The following BAG3 variants were observed in gnomAD, a reference collection of about 807,000 sequenced individuals.
The protein encoded by BAG3 is BAG family molecular chaperone regulator 3.
BAG3 carries 14 observed loss-of-function variants against 40.5 expected under a neutral mutation model. The observed-to-expected ratio is 0.35, with a 90% CI of 0.23 to 0.54. The LOEUF is 0.54. BAG3 is among the 20% of genes least tolerant of loss of function. The pLI, the probability that BAG3 is intolerant of heterozygous loss-of-function variation, is 0.91. For missense variants in BAG3, 788 were observed against 758.6 expected (o/e 1.04, Z -0.46); for synonymous variants, 302 against 307.8 (o/e 0.98, Z 0.20).
chr10:119,667,407 A>C (rs1319273690), intron 1 of BAG3, among the ~76,000 whole-genome samples: 1 of 152,084 alleles, frequency 6.6e-6, no homozygotes, highest in Non-Finnish European at 1.5e-5. Flanking sequence ...ATAAAACCTC[A>C]CAACATTTCT....
chr10:119,660,730 T>TA (rs1846981337), intron 1 of BAG3, among the ~76,000 whole-genome samples: 1 of 152,034 alleles, frequency 6.6e-6, no homozygotes, highest in Non-Finnish European at 1.5e-5. Flanking sequence ...TTAGGCTTTG[T>TA]AAACGGTAAG....
intron 1 of BAG3, among the ~76,000 whole-genome samples, chr10:119,665,092 T>TGTGTGTGTGTGTGTGTGTGTG (rs34372634): frequency 4.5e-5 from 4 of 88,004 alleles, no homozygotes; most frequent in South Asian, 3.7e-4. Context: ...TAATTTTTGT[T>TGTGTGTGTGTGTGTGTGTGTG]TGTGTGTGTG....
Position 119,677,430 on chromosome 10 carries a change from G to A in BAG3, c.*148G>A, listed in dbSNP as rs1462414593. On this transcript the variant is annotated 3_prime_UTR_variant, in exon 4 of 4. Transcript: ENST00000369085. The stretch of plus-strand genomic sequence containing the variant: ...GTGGAGGCAAAACACTAATAAAAGG[G>A]CTAAAAAGGAAAATGATGCTTTTCT... The A allele has an allele frequency of 2.2e-6, 2 of 901,550 alleles. No homozygotes were observed. Among genetic ancestry groups the A allele is most frequent in the Admixed American group, 4.1e-5 (2 of 48,252 alleles). 55.8% of individuals were successfully genotyped at this position (901,550 alleles called of 1,614,324 possible).
rs196326 is a variant in BAG3, at chr10:119,670,250, C to G, written c.507+73C>G. ...GCTTCCCAGGCCGGGCCCATCCCCT[C>G]AGGACAGTGCCCTGGGCCAGGCACC... is the stretch of plus-strand genomic sequence containing the variant. On this transcript the variant is annotated intron_variant, in intron 2 of 3. Coordinates refer to ENST00000369085, the MANE Select transcript of BAG3 (RefSeq NM_004281.4). The G allele has an allele frequency of 0.77, 1,159,058 of 1,499,436 alleles. 449,521 individuals carry two copies. The highest frequency in any genetic ancestry group is 0.8 in the Middle Eastern group (3,370 of 4,212). The allele number at this position is 1,499,436 out of a possible 1,614,324, so 92.9% of individuals were successfully genotyped here.
At chr10:119,657,967 C>G (rs1180824982) in intron 1 of BAG3, among the ~76,000 whole-genome samples, 1 of 152,246 alleles carries the variant, frequency 6.6e-6, no homozygotes, top group East Asian at 1.9e-4. Flanking sequence ...AGAGTGCCAG[C>G]TCTGTGCGTC....
chr10:119,659,086 C>T (rs1040717672), intron 1 of BAG3, among the ~76,000 whole-genome samples: 2 of 152,122 alleles, frequency 1.3e-5, no homozygotes, highest in Non-Finnish European at 2.9e-5. Flanking sequence ...TCCAGGTGGC[C>T]CTTGGAGCCC....
chr10:119,670,003 C>T lies in BAG3; in HGVS notation c.333C>T (p.Phe111=), dbSNP rs1388706772. Residue 111 remains phenylalanine, a synonymous_variant, in exon 2 of 4, where the codon TTC becomes TTT. Transcript: ENST00000369085. ...CTGAGAACCGGCAGGTGCACCCTTT[C>T]CATGTCTATCCCCAGCCTGGGATGC... is the stretch of plus-strand genomic sequence containing the variant. ...EGAENRQVHP[F]HVYPQPGMQR... 6.2e-7 allele frequency: 1 copy of T among 1,614,232 alleles called. No homozygotes were observed. The highest frequency in any genetic ancestry group is 1.1e-5 in the South Asian group (1 of 91,090).
chr10:119,652,742 CTAA>C (rs1312520460), intron 1 of BAG3, among the ~76,000 whole-genome samples: 3 of 152,168 alleles, frequency 2.0e-5, no homozygotes, highest in African/African-American at 7.2e-5. Flanking sequence ...AAATAACTGA[CTAA>C]TGATACTCTT....
chr10:119,656,658 G>T (rs1486194273), intron 1 of BAG3: 2 of 152,200 alleles, frequency 1.3e-5, no homozygotes, highest in East Asian at 3.9e-4. Flanking sequence ...TTACTAAGTC[G>T]TCACGTATTT....
intron 1 of BAG3, among the ~76,000 whole-genome samples, chr10:119,665,387 ACCT>A (rs1847050541): frequency 6.6e-6 from 1 of 150,846 alleles, no homozygotes. Context: ...TGATCCACCC[ACCT>A]CAGCCTGCCA....
intron 1 of BAG3, among the ~76,000 whole-genome samples, chr10:119,654,397 A>G (rs1846883636): frequency 6.6e-6 from 1 of 152,168 alleles, no homozygotes; most frequent in Admixed American, 6.5e-5. Context: ...CAGCTTCAGG[A>G]TGTTTAAAAT....
Position 119,676,492 on chromosome 10 carries a change from C to T in BAG3, c.938C>T (p.Pro313Leu). Residue 313 changes from proline (P) to leucine (L), a missense_variant, in exon 4 of 4, where the codon CCT becomes CTT. By Grantham distance (98) the Pro-to-Leu change is moderately conservative. Coordinates refer to ENST00000369085, the MANE Select transcript of BAG3 (RefSeq NM_004281.4). ...CCCATGACCCATCGAGAAACTGCAC[C>T]TGTTTCCCAGCCTGAAAACAAACCA... ...QQPMTHRETA[P>L]VSQPENKPES... 6.2e-7 allele frequency: 1 copy of T among 1,614,172 alleles called. No individual in the cohort carries two copies. The highest frequency in any genetic ancestry group is 1.6e-4 in the Middle Eastern group (1 of 6,062).
chr10:119,677,124 A>G lies in BAG3; in HGVS notation c.1570A>G (p.Ile524Val), dbSNP rs764925485. The G allele has an allele frequency of 3.1e-6, 5 of 1,614,070 alleles. No individual in the cohort carries two copies. The African/African-American group carries it at 4.0e-5, about 13-fold the overall frequency. The part of the protein sequence containing the change: ...NLEADQPLQA[I>V]MEMGAVAADK... Reference sequence around the variant, plus strand: ...TGAAGCAGATCAGCCACTGCAGGCAATCATGGAGATGGGTGCCGTGGCAGC... The same window carrying G: ...TGAAGCAGATCAGCCACTGCAGGCAGTCATGGAGATGGGTGCCGTGGCAGC... The change falls in exon 4 of 4, where the codon ATC (isoleucine) becomes GTC (valine). Residue 524 changes from isoleucine to valine, a missense_variant. Physicochemically the swap from Ile to Val is conservative, Grantham distance 29. Transcript: ENST00000369085.
chr10:119,666,390 C>A (rs1017470973), intron 1 of BAG3, among the ~76,000 whole-genome samples: 6 of 152,214 alleles, frequency 3.9e-5, no homozygotes, highest in Non-Finnish European at 7.3e-5. Context: ...GACCACATTC[C>A]TTCCCCGTGG....
intron 1 of BAG3, among the ~76,000 whole-genome samples, chr10:119,664,822 C>G (rs977579331): frequency 2.6e-5 from 4 of 151,992 alleles, no homozygotes; most frequent in Non-Finnish European, 5.9e-5. Flanking sequence ...TCTTTTGATT[C>G]TTTTATTTAC....
Position 119,677,559 on chromosome 10 carries a change from A to C in BAG3, c.*277A>C. ...CCCTGTCTACTTGGGCACCCCCACC[A>C]CCTGTTAGCTGTGGTTGTGCACTGT... On this transcript the variant is annotated 3_prime_UTR_variant, in exon 4 of 4. Coordinates refer to ENST00000369085, the MANE Select transcript of BAG3 (RefSeq NM_004281.4). The C allele has an allele frequency of 3.9e-6, 2 of 519,254 alleles. No homozygotes were observed. The highest frequency in any genetic ancestry group is 6.9e-6 in the Non-Finnish European group (2 of 288,552). The allele number at this position is 519,254 out of a possible 1,614,324, so 32.2% of individuals were successfully genotyped here.
rs1339760682 is a variant in BAG3 at position 119,676,514 on chromosome 10, A to G, written c.960A>G (p.Lys320=). ...CACCTGTTTCCCAGCCTGAAAACAA[A>G]CCAGAAAGTAAGCCAGGCCCAGTTG... ...ETAPVSQPEN[K]PESKPGPVGP... Residue 320 remains lysine, a synonymous_variant, in exon 4 of 4, where the codon AAA becomes AAG. Transcript: ENST00000369085. The G allele has an allele frequency of 6.2e-7, 1 of 1,613,918 alleles. No homozygotes were observed. Among genetic ancestry groups the G allele is most frequent in the South Asian group, 1.1e-5 (1 of 91,040 alleles).
In BAG3 at chr10:119,669,982, G is replaced by A; in HGVS notation, c.312G>A (p.Glu104=). The change falls in exon 2 of 4, where the codon GAG becomes GAA. Residue 104 remains glutamate (E), a synonymous_variant. Transcript: ENST00000369085. ...TTCCTGTGCTCCATGAAGGCGCTGA[G>A]AACCGGCAGGTGCACCCTTTCCATG... ...IPIPVLHEGA[E]NRQVHPFHVY... The A allele has an allele frequency of 5.0e-6, 8 of 1,614,250 alleles. No individual in the cohort carries two copies. The highest frequency in any genetic ancestry group is 6.8e-6 in the Non-Finnish European group (8 of 1,180,046).
chr10:119,660,497 G>A (rs1589624124), intron 1 of BAG3, among the ~76,000 whole-genome samples: 1 of 152,152 alleles, frequency 6.6e-6, no homozygotes, highest in East Asian at 1.9e-4. Context: ...CTCAGATAAA[G>A]GGGCTTCTAA....
Sources: allele counts gnomAD v4.1 joint callset (sites outside exome capture counted in the v4.1 genomes callset), GRCh38; gene constraint gnomAD v4.1.1; transcripts MANE v1.5; gene names NCBI Gene and HGNC (gene_info 2026-07-23, HGNC 2026-07-21).